GUK1: variants seen among roughly 807,000 people sequenced by gnomAD.
GUK1 encodes guanylate kinase.
In GUK1, 18 loss-of-function variants were observed where a neutral mutation model predicts 25.2. That is an observed-to-expected ratio of 0.71 (90% CI 0.49 to 1.06). GUK1 has a LOEUF of 1.06. GUK1 is among the 50% of genes least tolerant of loss of function. The pLI is 0.00. For missense variants in GUK1, 261 were observed against 276.7 expected (o/e 0.94, Z 0.40); for synonymous variants, 105 against 117.6 (o/e 0.89, Z 0.69).
In GUK1 at chr1:228,145,636, G is replaced by A. The variant is rs369394197; in HGVS notation, c.112+12G>A. On this transcript the variant is annotated intron_variant, in intron 3 of 8. Transcript: ENST00000312726. Reference sequence around the variant, plus strand: ...CTTCAGCGTGTCCCGTGAGTCCAGGGCTCTCGTGGAGGGGTGCGTAGACCT... The same window carrying A: ...CTTCAGCGTGTCCCGTGAGTCCAGGACTCTCGTGGAGGGGTGCGTAGACCT... The A allele has an allele frequency of 7.4e-6, 12 of 1,611,316 alleles. No individual in the cohort carries two copies. In the African/African-American group the frequency reaches 9.3e-5, roughly 13 times the overall value.
At chr1:228,147,353 C>A in intron 5 of GUK1, 53 bp from the exon 5 acceptor site, 1 of 1,564,788 alleles carries the variant, frequency 6.4e-7, no homozygotes, top group Non-Finnish European at 8.7e-7. Flanking sequence ...CCTGAAGCTC[C>A]TGTAGGCCTC....
intron 8 of GUK1, 74 bp from the exon 8 acceptor site, chr1:228,148,591 G>A (rs1321465548): frequency 3.5e-6 from 5 of 1,444,700 alleles, no homozygotes; most frequent in Non-Finnish European, 4.8e-6. Flanking sequence ...CGAGGTCCAC[G>A]GTGGAGGGAG....
rs994961074 is a variant in GUK1, at chr1:228,148,458, T to A, written c.561+2T>A. On this transcript the variant is annotated splice_donor_variant, in intron 8 of 8. Transcript: ENST00000312726. LOFTEE classifies it high-confidence loss of function. ...GAGCTGAAGGAGGCGCTCTCTGAGG[T>A]GGGCCCATCCTTGTGCCTACCTGGG... 6.4e-7 allele frequency: 1 copy of A among 1,568,700 alleles called. No homozygotes were observed. The highest frequency in any genetic ancestry group is 1.4e-5 in the African/African-American group (1 of 73,300).
intron 5 of GUK1, 139 bp downstream of exon 4, chr1:228,147,077 G>A: frequency 1.4e-6 from 1 of 693,640 alleles, no homozygotes; most frequent in East Asian, 2.7e-5. Context: ...CCAGGGCCAG[G>A]CTCCCACGTC....
In GUK1 at chr1:228,140,856, G is replaced by T. The variant is rs961189131; in HGVS notation, c.-167-268G>T. The stretch of plus-strand genomic sequence containing the variant: ...ACTTGGGGAAACAGCAGGCCTTCCC[G>T]ACGCATGGGTGTGGCATTTGGGGTT... On this transcript the variant is annotated intron_variant, in intron 1 of 8. Transcript: ENST00000312726. Among the ~76,000 whole-genome samples, 8 of 152,360 alleles carry T rather than the reference G, an allele frequency of 5.3e-5. 1 individual carries two copies. In the East Asian group the frequency reaches 1.5e-3, roughly 29 times the overall value.
rs1330811899 is a variant in GUK1, at chr1:228,148,869, G to A, written c.*172G>A. On this transcript the variant is annotated 3_prime_UTR_variant, in exon 9 of 9. Coordinates refer to ENST00000312726, the MANE Select transcript of GUK1 (RefSeq NM_000858.7). Reference sequence around the variant, plus strand: ...CTGGGGTGACCCCCGACCCAGCCTCGCTGGGCTGTCCCCTGTCCCTATCTC... The same window carrying A: ...CTGGGGTGACCCCCGACCCAGCCTCACTGGGCTGTCCCCTGTCCCTATCTC... The A allele has an allele frequency of 3.8e-5, 57 of 1,516,370 alleles. No individual in the cohort carries two copies. Among genetic ancestry groups the A allele is most frequent in the Non-Finnish European group, 4.4e-5 (49 of 1,119,638 alleles). The allele number at this position is 1,516,370 out of a possible 1,614,324, so 93.9% of individuals were successfully genotyped here.
chr1:228,141,213 C>G lies in GUK1; in HGVS notation c.-78C>G. ...TTTCTCCCTGATGGACAGACCCAAACATAGCCGCGCAGCATCGTGAAGGGC... is the reference window on the plus strand; with the variant it reads ...TTTCTCCCTGATGGACAGACCCAAAGATAGCCGCGCAGCATCGTGAAGGGC... On this transcript the variant is annotated 5_prime_UTR_variant, in exon 2 of 9. Transcript: ENST00000312726. 1 of 984,894 alleles carries G rather than the reference C, an allele frequency of 1.0e-6. No homozygotes were observed. Among genetic ancestry groups the G allele is most frequent in the South Asian group, 4.7e-5 (1 of 21,326 alleles). The allele number at this position is 984,894 out of a possible 1,614,324, so 61.0% of individuals were successfully genotyped here.
intron 1 of GUK1, 107 bp downstream of exon 1, chr1:228,140,470 G>A: frequency 2.5e-6 from 2 of 787,438 alleles, no homozygotes; most frequent in Non-Finnish European, 3.8e-6. Context: ...CCTCCTAGCC[G>A]AGACGCCCTG....
At chr1:228,148,639 C>T (rs2034542136) in intron 8 of GUK1, 26 bp from the exon 8 acceptor site, 5 of 1,580,384 alleles carry the variant, frequency 3.2e-6, no homozygotes, top group Middle Eastern at 3.3e-4. Flanking sequence ...CCAGCCCTCC[C>T]AACTCCCTTT....
intron 2 of GUK1, among the ~76,000 whole-genome samples, chr1:228,144,012 A>G (rs1271952598): frequency 6.6e-6 from 1 of 152,110 alleles, no homozygotes; most frequent in Non-Finnish European, 1.5e-5. Flanking sequence ...ATGCGTGTGC[A>G]TGTGTACCTT....
chr1:228,142,977 C>T (rs966725036), intron 2 of GUK1, among the ~76,000 whole-genome samples: 3 of 152,084 alleles, frequency 2.0e-5, no homozygotes, highest in Admixed American at 6.5e-5. Flanking sequence ...GTGCAGACGA[C>T]GCCCTTGGCA....
chr1:228,148,595 G>C, intron 8 of GUK1, 70 bp from the exon 8 acceptor site: 1 of 1,453,980 alleles, frequency 6.9e-7, no homozygotes, highest in Non-Finnish European at 9.5e-7. Flanking sequence ...GTCCACGGTG[G>C]AGGGAGAGCA....
intron 7 of GUK1, 77 bp downstream of exon 6, chr1:228,147,776 GTGGGTCCCCAGACC>G: frequency 7.7e-7 from 1 of 1,305,124 alleles, no homozygotes; most frequent in East Asian, 2.4e-5. Flanking sequence ...CAGGGACCCT[GTGGGTCCCCAGACC>G]TCCTGACACC....
chr1:228,141,311 C>A, intron 2 of GUK1: 2 of 965,674 alleles, frequency 2.1e-6, no homozygotes, highest in African/African-American at 1.8e-5. Flanking sequence ...TCCTGTCCCC[C>A]CCGGGGAAAG....
rs772199310 is a variant in GUK1, at chr1:228,148,760, C to T, written c.*63C>T. ...GGACCAGGGCAGCAGCATTGAGCCACCCCCTTGGCAGGCGATACGGCAGCT... is the reference window on the plus strand; with the variant it reads ...GGACCAGGGCAGCAGCATTGAGCCATCCCCTTGGCAGGCGATACGGCAGCT... On this transcript the variant is annotated 3_prime_UTR_variant, in exon 9 of 9. Transcript: ENST00000312726. 1.2e-6 allele frequency: 2 copies of T among 1,611,228 alleles called. No homozygotes were observed. The highest frequency in any genetic ancestry group is 1.1e-5 in the South Asian group (1 of 91,006).
intron 1 of GUK1, 144 bp downstream of exon 1, chr1:228,140,507 A>C: frequency 3.0e-6 from 2 of 656,952 alleles, no homozygotes; most frequent in Non-Finnish European, 4.9e-6. Context: ...GGGCCCTGAG[A>C]ACGGGGGAGC....
intron 1 of GUK1, chr1:228,141,039 T>C (rs1336607215): frequency 1.9e-6 from 1 of 527,170 alleles, no homozygotes; most frequent in Non-Finnish European, 2.4e-6. Context: ...CTCGGTTTCG[T>C]CTTTGCATGA....
chr1:228,146,423 C>A, intron 4 of GUK1: 1 of 447,438 alleles, frequency 2.2e-6, no homozygotes, highest in Non-Finnish European at 4.0e-6. Flanking sequence ...CTGCCTGATT[C>A]AAGACAAGGG....
chr1:228,142,985 G>A (rs2034145682), intron 2 of GUK1, among the ~76,000 whole-genome samples: 1 of 152,126 alleles, frequency 6.6e-6, no homozygotes, highest in Admixed American at 6.5e-5. Flanking sequence ...GACGCCCTTG[G>A]CAAGGCTGGA....
Sources: gnomAD v4.1 joint callset for allele counts (sites outside exome capture counted in the v4.1 genomes callset) on GRCh38, gnomAD v4.1.1 for gene constraint, MANE v1.5 for transcripts, NCBI Gene and HGNC (gene_info 2026-07-23, HGNC 2026-07-21) for gene names.